The following PRKRIP1 variants were observed in gnomAD, a reference collection of about 807,000 sequenced individuals.
PRKRIP1 encodes the protein PRKR interacting protein 1, also known as PRKR-interacting protein 1.
Under a neutral mutation model 29.3 loss-of-function variants are expected in PRKRIP1, and 29 were observed. The observed-to-expected ratio is 0.99, with a 90% confidence interval of 0.74 to 1.35. PRKRIP1 has a LOEUF of 1.35. Ranked by LOEUF, PRKRIP1 falls within the 40% of genes most tolerant of loss-of-function variation. PRKRIP1 has a pLI of 0.00. For missense variants in PRKRIP1, 247 were observed against 236.8 expected, an observed-to-expected ratio of 1.04 and a Z score of -0.28; for synonymous variants, 90 against 85.1, an observed-to-expected ratio of 1.06 and a Z score of -0.32.
At chr7:102,423,754 G>A (rs74444098) in intron 5 of PRKRIP1, among the ~76,000 whole-genome samples, 2,400 of 151,708 alleles carry the variant, frequency 0.016, 27 homozygotes, top group South Asian at 0.034. Context: ...ATGGCTCACT[G>A]CAGCCTTGAA....
intron 3 of PRKRIP1, 36 bp from the exon 4 acceptor site, chr7:102,404,562 C>A: frequency 6.4e-7 from 1 of 1,571,766 alleles, no homozygotes; most frequent in African/African-American, 1.3e-5. Flanking sequence ...TCTGCCCAGA[C>A]CAGAGCGTGT....
chr7:102,421,238 A>T (rs573308887), intron 5 of PRKRIP1, among the ~76,000 whole-genome samples: 1 of 152,304 alleles, frequency 6.6e-6, no homozygotes, highest in South Asian at 2.1e-4. Flanking sequence ...CATGAACAGA[A>T]GTTGGTGAAA....
At chr7:102,423,526 A>AC in intron 5 of PRKRIP1, 1 of 217,586 alleles carries the variant, frequency 4.6e-6, no homozygotes, top group East Asian at 1.2e-4. Flanking sequence ...AAGTTCCTCC[A>AC]CCTCTCTGGG....
intron 4 of PRKRIP1, among the ~76,000 whole-genome samples, chr7:102,407,069 C>T (rs1796247419): frequency 6.6e-6 from 1 of 151,964 alleles, no homozygotes. Context: ...AAAAAATTAG[C>T]TGGGCGTGGT....
At chr7:102,406,774 G>A (rs1483913185) in intron 4 of PRKRIP1, among the ~76,000 whole-genome samples, 4 of 151,258 alleles carry the variant, frequency 2.6e-5, no homozygotes, top group Non-Finnish European at 5.9e-5. Flanking sequence ...ACTGCTTTAC[G>A]ACCCATTTTG....
At chr7:102,411,936 G>T (rs868914091) in intron 5 of PRKRIP1, among the ~76,000 whole-genome samples, 7,625 of 70,140 alleles carry the variant, frequency 0.11, 256 homozygotes, top group Non-Finnish European at 0.16. Flanking sequence ...TGTTGTTGTT[G>T]TTTTGTTTGT....
intron 4 of PRKRIP1, among the ~76,000 whole-genome samples, chr7:102,406,064 T>C (rs1554571787): frequency 1.3e-5 from 2 of 152,200 alleles, no homozygotes; most frequent in Non-Finnish European, 2.9e-5. Flanking sequence ...TTGTTCAACC[T>C]TTGAAGCATT....
intron 2 of PRKRIP1, among the ~76,000 whole-genome samples, chr7:102,399,097 G>T (rs1795997848): frequency 6.6e-6 from 1 of 152,116 alleles, no homozygotes; most frequent in South Asian, 2.1e-4. Context: ...CCTCCATCTT[G>T]GGTGACAGAG....
chr7:102,409,034 C>T (rs1188718083), intron 5 of PRKRIP1, among the ~76,000 whole-genome samples: 2 of 151,914 alleles, frequency 1.3e-5, no homozygotes, highest in Non-Finnish European at 2.9e-5. Flanking sequence ...ATTAGCTAGG[C>T]GTGATGGCAG....
chr7:102,423,595 T>G (rs1440038656), intron 5 of PRKRIP1, among the ~76,000 whole-genome samples: 3 of 152,272 alleles, frequency 2.0e-5, no homozygotes, highest in African/African-American at 7.2e-5. Context: ...CCTCATAGAC[T>G]ATTGTAAGAA....
intron 3 of PRKRIP1, among the ~76,000 whole-genome samples, chr7:102,400,885 C>T (rs1796049833): frequency 6.6e-6 from 1 of 152,154 alleles, no homozygotes; most frequent in African/African-American, 2.4e-5. Context: ...ATCCACCTGC[C>T]TCGGCCTCCC....
rs1020836810 is a variant in PRKRIP1 at position 102,404,673 on chromosome 7, C to T, written c.382C>T (p.Arg128Trp). 5.1e-5 allele frequency: 82 copies of T among 1,613,174 alleles called. No homozygotes were observed. The highest frequency in any genetic ancestry group is 2.1e-4 in the African/African-American group (16 of 74,900). ...TGCAGAGGAGCAGACCGCAAAGCGC[C>T]GGAAGAAGCGGTAAGCGGCATGGCC... ...IAAEEQTAKR[R>W]KKRQKLKEKK... The change falls in exon 4 of 6, where the codon CGG (arginine) becomes TGG (tryptophan). Residue 128 changes from arginine to tryptophan, a missense_variant. Around this residue, in one of 3 missense-constraint regions of PRKRIP1, gnomAD observed 134 missense variants for 126.6 expected, o/e 1.06. Transcript: ENST00000397912.
chr7:102,402,283 C>G (rs192125592), intron 3 of PRKRIP1, among the ~76,000 whole-genome samples: 16 of 152,076 alleles, frequency 1.1e-4, no homozygotes, highest in African/African-American at 3.6e-4. Flanking sequence ...ACAAAGAATA[C>G]AAAGACTAGC....
intron 5 of PRKRIP1, among the ~76,000 whole-genome samples, chr7:102,416,616 G>A (rs1183624491): frequency 6.6e-6 from 1 of 151,914 alleles, no homozygotes; most frequent in African/African-American, 2.4e-5. Context: ...ACCACAGAGG[G>A]AAAGCACCCT....
chr7:102,410,826 G>A (rs1309800006), intron 5 of PRKRIP1, among the ~76,000 whole-genome samples: 6 of 152,142 alleles, frequency 3.9e-5, no homozygotes, highest in African/African-American at 1.4e-4. Context: ...TATGTTTCCT[G>A]TACGTCAAAT....
chr7:102,410,887 A>T (rs781958359), intron 5 of PRKRIP1, among the ~76,000 whole-genome samples: 2 of 152,106 alleles, frequency 1.3e-5, no homozygotes, highest in Non-Finnish European at 2.9e-5. Context: ...CTTTCTTGAT[A>T]TGTTTGGATT....
intron 5 of PRKRIP1, among the ~76,000 whole-genome samples, chr7:102,412,166 C>G (rs1796404859): frequency 6.6e-6 from 1 of 152,142 alleles, no homozygotes; most frequent in Admixed American, 6.6e-5. Flanking sequence ...CACGCCCAGC[C>G]AGCACCTGAA....
intron 5 of PRKRIP1, among the ~76,000 whole-genome samples, chr7:102,419,598 T>G (rs959010902): frequency 6.6e-5 from 10 of 152,298 alleles, no homozygotes; most frequent in Middle Eastern, 3.4e-3. Flanking sequence ...AGCTGTTTAC[T>G]GCCTCTGTGG....
chr7:102,401,698 A>C (rs1438920174), intron 3 of PRKRIP1, among the ~76,000 whole-genome samples: 1 of 152,062 alleles, frequency 6.6e-6, no homozygotes, highest in Non-Finnish European at 1.5e-5. Flanking sequence ...GCGCCATTAC[A>C]CTCCAGCCTG....
Sources: allele counts gnomAD v4.1 joint callset (sites outside exome capture counted in the v4.1 genomes callset), GRCh38; gene constraint gnomAD v4.1.1; regional missense constraint gnomAD v4.1.1; transcripts MANE v1.5; gene names NCBI Gene and HGNC (gene_info 2026-07-23, HGNC 2026-07-21).